The following PRSS48 variants were observed in gnomAD, a reference collection of about 807,000 sequenced individuals.
PRSS48 encodes serine protease 48.
A neutral mutation model predicts 25.6 loss-of-function variants in PRSS48; 21 were observed. That is an observed-to-expected ratio of 0.82 (90% CI 0.58 to 1.18). The LOEUF is 1.18. PRSS48 is among the 50% of genes most tolerant of loss of function. The probability of loss-of-function intolerance (pLI) is 0.00; values close to 1 mark genes in which losing one functional copy is unlikely to be tolerated. For synonymous variants in PRSS48, 150 were observed against 149.3 expected (o/e 1.00, Z -0.04); for missense variants, 373 against 399.3 (o/e 0.93, Z 0.56).
At chr4:151,289,750 A>G (rs1291489536) in intron 4 of PRSS48, among the ~76,000 whole-genome samples, 1 of 152,202 alleles carries the variant, frequency 6.6e-6, no homozygotes, top group Admixed American at 6.5e-5. Flanking sequence ...ACTCCTAGGT[A>G]TATGACCAAG....
At chr4:151,282,254 T>G (rs1187408460) in exon 3 of PRSS48, 3 of 1,613,830 alleles carry the variant, frequency 1.9e-6, no homozygotes, top group African/African-American at 2.7e-5. Flanking sequence ...CCATCCCAAG[T>G]ACCAAGATAC....
At chr4:151,285,682 C>A (rs1774679091) in intron 4 of PRSS48, among the ~76,000 whole-genome samples, 1 of 151,822 alleles carries the variant, frequency 6.6e-6, no homozygotes, top group African/African-American at 2.4e-5. Context: ...GCCTGGGCAA[C>A]ATAGTGAGAC....
Position 151,291,088 on chromosome 4 carries a change from T to C in PRSS48, c.652-30T>C, listed in dbSNP as rs749249285. The C allele has an allele frequency of 7.2e-6, 11 of 1,529,444 alleles. No homozygotes were observed. The Admixed American group carries it at 1.9e-4, about 27-fold the overall frequency. The allele number at this position is 1,529,444 out of a possible 1,614,324, so 94.7% of individuals were successfully genotyped here. A position where few individuals can be genotyped will look rare whatever the true frequency, so the allele number is the denominator to read the frequency against. Reference sequence around the variant, plus strand: ...CTCTCTTCTTTATGCCTCTTTTCACTATGCTCATTACCTTTCATTTCTTCC... The same window carrying C: ...CTCTCTTCTTTATGCCTCTTTTCACCATGCTCATTACCTTTCATTTCTTCC... On this transcript the variant is annotated intron_variant, in intron 4 of 4. Coordinates refer to ENST00000455694, the Ensembl canonical transcript of PRSS48.
In PRSS48 at chr4:151,286,274, G is replaced by A. The variant is rs751580036; in HGVS notation, c.651+2988G>A. On this transcript the variant is annotated intron_variant, in intron 4 of 4. Transcript: ENST00000455694. ...GTGGAAATTACTGAAATAGAGAACA[G>A]AAAGACAATAGAGAAAATAAACAAA... 3.5e-4 allele frequency among the ~76,000 whole-genome samples: 46 copies of A among 132,742 alleles called. 1 individual carries two copies. The highest frequency in any genetic ancestry group is 7.0e-4 in the Non-Finnish European group (43 of 61,510). The allele number at this position is 132,742 out of a possible 152,430, so 87.1% of individuals were successfully genotyped here.
intron 4 of PRSS48, among the ~76,000 whole-genome samples, chr4:151,283,723 T>G (rs2150010692): frequency 6.6e-6 from 1 of 152,156 alleles, no homozygotes. Flanking sequence ...GAGGTCTCAC[T>G]ATGTTGCCCA....
chr4:151,280,781 C>A (rs1774144948), intron 2 of PRSS48, among the ~76,000 whole-genome samples: 2 of 151,318 alleles, frequency 1.3e-5, no homozygotes, highest in Non-Finnish European at 2.9e-5. Context: ...CAGAGTGAGA[C>A]CCTGTCTCTA....
chr4:151,288,801 T>G (rs2150016627), intron 4 of PRSS48, among the ~76,000 whole-genome samples: 1 of 152,346 alleles, frequency 6.6e-6, no homozygotes, highest in South Asian at 2.1e-4. Flanking sequence ...AGGAATAAAG[T>G]TAATATTGCT....
chr4:151,286,224 T>G (rs1172678726), intron 4 of PRSS48, among the ~76,000 whole-genome samples: 1 of 47,588 alleles, frequency 2.1e-5, no homozygotes, highest in African/African-American at 7.9e-5. Flanking sequence ...CTAAAGAAAA[T>G]ACAAAGAAGG....
chr4:151,291,561 T>G, downstream of PRSS48: 1 of 701,492 alleles, frequency 1.4e-6, no homozygotes, highest in South Asian at 1.9e-5. Flanking sequence ...ATGTGAAGAG[T>G]TAAGAAATAA....
At chr4:151,283,698 T>C (rs1774472125) in intron 4 of PRSS48, among the ~76,000 whole-genome samples, 1 of 151,810 alleles carries the variant, frequency 6.6e-6, no homozygotes, top group Non-Finnish European at 1.5e-5. Context: ...ACTTTTTTCA[T>C]TTTTTTGTAG....
At chr4:151,287,822 G>T (rs1774960182) in intron 4 of PRSS48, among the ~76,000 whole-genome samples, 1 of 152,202 alleles carries the variant, frequency 6.6e-6, no homozygotes, top group South Asian at 2.1e-4. Flanking sequence ...CGAGGCCACA[G>T]TGAGCAGTGT....
chr4:151,288,465 G>C (rs900105662), intron 4 of PRSS48, among the ~76,000 whole-genome samples: 6 of 152,128 alleles, frequency 3.9e-5, no homozygotes, highest in Non-Finnish European at 8.8e-5. Context: ...AGCAACTGTA[G>C]GCTGGGGGCA....
rs1455313533 is a variant in PRSS48, at chr4:151,289,622, G to T, written c.652-1496G>T. Among the ~76,000 whole-genome samples the T allele has an allele frequency of 3.3e-5, 5 of 152,322 alleles. 1 individual carries two copies. Among genetic ancestry groups the T allele is most frequent in the Middle Eastern group, 6.8e-3 (2 of 294 alleles). On this transcript the variant is annotated intron_variant, in intron 4 of 4. Coordinates refer to ENST00000455694, the Ensembl canonical transcript of PRSS48. ...TGGTATAAAGATATGCAAATGTAGA[G>T]AAATTGGAGCCTTCTAACACTGTTG... is the stretch of plus-strand genomic sequence containing the variant.
intron 4 of PRSS48, among the ~76,000 whole-genome samples, chr4:151,290,433 C>T (rs1167143333): frequency 6.6e-6 from 1 of 152,104 alleles, no homozygotes; most frequent in Non-Finnish European, 1.5e-5. Context: ...ACATGCCAGA[C>T]ACAAAAGGTC....
intron 3 of PRSS48, 101 bp from the exon 4 acceptor site, chr4:151,283,016 C>A: frequency 9.7e-7 from 1 of 1,034,352 alleles, no homozygotes. Flanking sequence ...TTGTAAGCTG[C>A]TTTTGGATTC....
At chr4:151,279,395 A>C (rs927419912) in intron 1 of PRSS48, among the ~76,000 whole-genome samples, 2 of 152,186 alleles carry the variant, frequency 1.3e-5, no homozygotes, top group African/African-American at 4.8e-5. Context: ...TGTGCTGCTA[A>C]AGAAGGCAGG....
At chr4:151,281,463 G>A (rs1774223078) in intron 2 of PRSS48, among the ~76,000 whole-genome samples, 1 of 152,132 alleles carries the variant, frequency 6.6e-6, no homozygotes, top group Non-Finnish European at 1.5e-5. Flanking sequence ...GGAAGTGGGA[G>A]GTGGGGGGTA....
chr4:151,283,250 T>G, exon 4 of PRSS48: 1 of 1,613,782 alleles, frequency 6.2e-7, no homozygotes, highest in African/African-American at 1.3e-5. Flanking sequence ...ACAAGATTTG[T>G]GCTGGTGATA....
chr4:151,286,762 T>C (rs1253162869), intron 4 of PRSS48, among the ~76,000 whole-genome samples: 1 of 151,640 alleles, frequency 6.6e-6, no homozygotes, highest in Non-Finnish European at 1.5e-5. Flanking sequence ...GACAGGTCAA[T>C]TGAGGCCAGG....
Sources: allele counts gnomAD v4.1 joint callset (sites outside exome capture counted in the v4.1 genomes callset), GRCh38; gene constraint gnomAD v4.1.1; transcripts MANE v1.5; gene names NCBI Gene and HGNC (gene_info 2026-07-23, HGNC 2026-07-21).